The following NRCAM variants were observed in gnomAD, a reference collection of about 807,000 sequenced individuals.
The protein encoded by NRCAM is neuronal cell adhesion molecule.
In NRCAM, 83 loss-of-function variants were observed where a neutral mutation model predicts 156.5. The ratio of observed to expected loss-of-function variants is 0.53; its 90% confidence interval spans 0.44 to 0.64. The LOEUF (loss-of-function observed/expected upper bound fraction) is 0.64, where lower values mean the gene tolerates loss of function less well. Ranked by LOEUF, NRCAM falls within the 30% of genes least tolerant of loss-of-function variation. The pLI is 0.00. For missense variants in NRCAM, 1,417 were observed against 1,597.3 expected, an observed-to-expected ratio of 0.89 and a Z score of 1.92; for synonymous variants, 538 against 563.9, an observed-to-expected ratio of 0.95 and a Z score of 0.65.
chr7:108,177,838 GAGA>G lies in NRCAM; in HGVS notation c.2974+149_2974+151del, dbSNP rs1169351744. The stretch of plus-strand genomic sequence containing the variant: ...CAACACAAATAAATGATAAATATTT[GAGA>G]AGATGAATATGCGAATTCCCCTGAT... On this transcript the variant is annotated intron_variant, in intron 26 of 32. Transcript: ENST00000379028. 4 of 526,642 alleles carry G rather than the reference GAGA, an allele frequency of 7.6e-6. No individual in the cohort carries two copies. In the African/African-American group the frequency reaches 7.7e-5, roughly 10 times the overall value. 32.6% of individuals were successfully genotyped at this position (526,642 alleles called of 1,614,324 possible). A position where few individuals can be genotyped will look rare whatever the true frequency, so the allele number is the denominator to read the frequency against.
chr7:108,269,606 T>C (rs1473868683), intron 3 of NRCAM, among the ~76,000 whole-genome samples: 1 of 152,178 alleles, frequency 6.6e-6, no homozygotes, highest in East Asian at 1.9e-4. Context: ...CACTCGCATA[T>C]GATACAATTC....
Position 108,240,179 on chromosome 7 carries a change from G to T in NRCAM, c.-106-9C>A. ...AATTTTCATGCGGGAAACTGAAAAAGGATAGAGTAGGAATAATAATTATAA... is the reference window on the plus strand; with the variant it reads ...AATTTTCATGCGGGAAACTGAAAAATGATAGAGTAGGAATAATAATTATAA... On this transcript the variant is annotated splice_polypyrimidine_tract_variant and intron_variant, in intron 3 of 32. Coordinates refer to ENST00000379028, the MANE Select transcript of NRCAM (RefSeq NM_001037132.4). The T allele has an allele frequency of 1.6e-6, 1 of 642,320 alleles. No homozygotes were observed. The allele number at this position is 642,320 out of a possible 1,614,324, so 39.8% of individuals were successfully genotyped here.
At chr7:108,302,913 C>T (rs1338985273) in intron 3 of NRCAM, among the ~76,000 whole-genome samples, 2 of 152,150 alleles carry the variant, frequency 1.3e-5, no homozygotes, top group South Asian at 2.1e-4. Flanking sequence ...AGATTCATCA[C>T]AGTCCTGTCT....
chr7:108,281,961 G>A (rs373128968), intron 3 of NRCAM, among the ~76,000 whole-genome samples: 4 of 152,128 alleles, frequency 2.6e-5, no homozygotes, highest in African/African-American at 9.7e-5. Flanking sequence ...AGAAGTGTAG[G>A]AGCAACTGTG....
intron 3 of NRCAM, among the ~76,000 whole-genome samples, chr7:108,294,564 T>C (rs561324226): frequency 7.2e-5 from 11 of 152,202 alleles, no homozygotes; most frequent in African/African-American, 2.2e-4. Flanking sequence ...TTCTAGATGA[T>C]AGAACGAATG....
Position 108,195,868 on chromosome 7 carries a change from C to T in NRCAM, c.1356G>A (p.Glu452=), listed in dbSNP as rs751843810. The T allele has an allele frequency of 6.3e-6, 10 of 1,594,698 alleles. No homozygotes were observed. In the South Asian group the frequency reaches 1.1e-4, roughly 18 times the overall value. The part of the protein sequence containing the change: ...LANAFVNVLA[E]PPRILTPANT... The stretch of plus-strand genomic sequence containing the variant: ...TTGCAGGTGTGAGGATTCGTGGTGG[C>T]TCAGCTACAAATATTTTTAAAAGGT... Residue 452 remains glutamate (E), a synonymous_variant, in exon 15 of 33, where the codon GAG becomes GAA. Coordinates refer to ENST00000379028, the MANE Select transcript of NRCAM (RefSeq NM_001037132.4).
At chr7:108,204,639 T>C (rs561458566) in intron 13 of NRCAM, among the ~76,000 whole-genome samples, 28 of 152,302 alleles carry the variant, frequency 1.8e-4, no homozygotes, top group Admixed American at 5.9e-4. Context: ...CACCATGTGG[T>C]ATTCCTCTCC....
intron 3 of NRCAM, among the ~76,000 whole-genome samples, chr7:108,309,166 AC>A (rs2098762854): frequency 6.6e-6 from 1 of 152,144 alleles, no homozygotes; most frequent in Non-Finnish European, 1.5e-5. Context: ...CAATAGAGGG[AC>A]TGTCCAAGTA....
At chr7:108,274,038 G>GATT (rs1048376296) in intron 3 of NRCAM, among the ~76,000 whole-genome samples, 1 of 152,152 alleles carries the variant, frequency 6.6e-6, no homozygotes, top group African/African-American at 2.4e-5. Flanking sequence ...GTTTGTCAAA[G>GATT]ATTAGATGGT....
intron 3 of NRCAM, among the ~76,000 whole-genome samples, chr7:108,299,148 G>GGAA (rs1563165051): frequency 1.8e-5 from 1 of 56,236 alleles, no homozygotes; most frequent in African/African-American, 6.4e-5. Flanking sequence ...GAAAAGAAAA[G>GGAA]TAAAAAAAAA....
At chr7:108,235,148 A>G (rs902264492) in intron 5 of NRCAM, among the ~76,000 whole-genome samples, 3 of 152,184 alleles carry the variant, frequency 2.0e-5, no homozygotes, top group African/African-American at 7.2e-5. Context: ...GGACAAATAC[A>G]TTTGAGAAGT....
chr7:108,308,177 T>C lies in NRCAM; in HGVS notation c.-107+4488A>G, dbSNP rs553541430. Among the ~76,000 whole-genome samples the C allele has an allele frequency of 4.6e-5, 7 of 152,366 alleles. No homozygotes were observed. The South Asian group carries it at 1.4e-3, about 32-fold the overall frequency. On this transcript the variant is annotated intron_variant, in intron 3 of 32. Coordinates refer to ENST00000379028, the MANE Select transcript of NRCAM (RefSeq NM_001037132.4). ...CCTCTCAGGGTGAGAATTATTTTAA[T>C]AGAGGTTGTACTTGCTGGGAACAAG...
At chr7:108,153,207 G>A (rs990699696) in intron 32 of NRCAM, among the ~76,000 whole-genome samples, 1 of 152,038 alleles carries the variant, frequency 6.6e-6, no homozygotes, top group African/African-American at 2.4e-5. Flanking sequence ...AACAAACCAT[G>A]ACCAAACCAA....
intron 17 of NRCAM, 78 bp downstream of exon 17, chr7:108,193,946 G>A: frequency 7.2e-7 from 1 of 1,396,788 alleles, no homozygotes; most frequent in Non-Finnish European, 9.8e-7. Flanking sequence ...CACCATAATT[G>A]ACTACATAGT....
chr7:108,418,595 A>ACACACG, intron 1 of NRCAM, among the ~76,000 whole-genome samples: 2 of 142,480 alleles, frequency 1.4e-5, no homozygotes, highest in South Asian at 2.2e-4. Flanking sequence ...ACACACACAC[A>ACACACG]CACACGCACT....
chr7:108,358,979 CT>C (rs2099528902), intron 2 of NRCAM, among the ~76,000 whole-genome samples: 3 of 152,186 alleles, frequency 2.0e-5, no homozygotes, highest in African/African-American at 7.2e-5. Context: ...TGTCTATAAG[CT>C]CAGGACCTGG....
rs917558239 is a variant in NRCAM, at chr7:108,373,739, C to T, written c.-174+25697G>A. 5.3e-5 allele frequency among the ~76,000 whole-genome samples: 8 copies of T among 152,160 alleles called. No individual in the cohort carries two copies. The South Asian group carries it at 8.3e-4, about 16-fold the overall frequency. ...TTGTGAACTTGTGACTTGTGAACTA[C>T]AGAGCTAATGGTTGTCACTGGTGTG... On this transcript the variant is annotated intron_variant, in intron 2 of 32. Transcript: ENST00000379028.
intron 3 of NRCAM, among the ~76,000 whole-genome samples, chr7:108,289,569 CTCTTT>C (rs907985782): frequency 2.0e-5 from 3 of 152,084 alleles, no homozygotes; most frequent in Non-Finnish European, 2.9e-5. Context: ...ACTCATCTTT[CTCTTT>C]TCAAGACTAG....
At chr7:108,423,387 A>T (rs1350626830) in intron 1 of NRCAM, among the ~76,000 whole-genome samples, 1 of 152,116 alleles carries the variant, frequency 6.6e-6, no homozygotes, top group African/African-American at 2.4e-5. Flanking sequence ...CTCTTAACAA[A>T]AGTGGGGATG....
Sources: gnomAD v4.1 joint callset for allele counts (sites outside exome capture counted in the v4.1 genomes callset) on GRCh38, gnomAD v4.1.1 for gene constraint, MANE v1.5 for transcripts, NCBI Gene and HGNC (gene_info 2026-07-23, HGNC 2026-07-21) for gene names.